Variants in FRMD4A observed in about 807,000 individuals in gnomAD.
FRMD4A encodes FERM domain-containing protein 4A.
A neutral mutation model predicts 129.1 loss-of-function variants in FRMD4A; 29 were observed. That is an observed-to-expected ratio of 0.22 (90% confidence interval 0.17 to 0.31). The LOEUF is 0.31. FRMD4A is among the 10% of genes least tolerant of loss of function. The pLI is 1.00. For missense variants in FRMD4A, 1,272 were observed against 1,375.8 expected (o/e 0.92, Z 1.19); for synonymous variants, 634 against 571.6 (o/e 1.11, Z -1.56).
At chr10:13,866,990 T>C (rs935256393) in intron 2 of FRMD4A, among the ~76,000 whole-genome samples, 1 of 152,140 alleles carries the variant, frequency 6.6e-6, no homozygotes, top group African/African-American at 2.4e-5. Flanking sequence ...ACAGATAGTG[T>C]AATGGTTACT....
At chr10:14,120,803 C>G (rs1001145245) in intron 2 of FRMD4A, among the ~76,000 whole-genome samples, 1 of 152,204 alleles carries the variant, frequency 6.6e-6, no homozygotes, top group Non-Finnish European at 1.5e-5. Flanking sequence ...CTGTCTGTTA[C>G]AGCAGCTACT....
chr10:14,023,618 C>T (rs532613011), intron 2 of FRMD4A, among the ~76,000 whole-genome samples: 2 of 152,266 alleles, frequency 1.3e-5, no homozygotes, highest in East Asian at 1.9e-4. Context: ...CAACACAGAA[C>T]GAACAGACCC....
intron 2 of FRMD4A, among the ~76,000 whole-genome samples, chr10:13,917,737 A>C (rs1173840463): frequency 6.6e-6 from 1 of 152,164 alleles, no homozygotes; most frequent in Non-Finnish European, 1.5e-5. Flanking sequence ...CTCATTCCCC[A>C]GTTGGCAGGG....
chr10:13,950,181 G>T (rs896354601), intron 2 of FRMD4A, among the ~76,000 whole-genome samples: 6 of 152,230 alleles, frequency 3.9e-5, no homozygotes, highest in African/African-American at 1.4e-4. Context: ...TGTCCCAGAT[G>T]AGTGGCTTTA....
At chr10:14,111,713 TG>T (rs1564302156) in intron 2 of FRMD4A, among the ~76,000 whole-genome samples, 1 of 152,060 alleles carries the variant, frequency 6.6e-6, no homozygotes, top group Non-Finnish European at 1.5e-5. Context: ...GCCATGATCC[TG>T]GCAGGGAGAA....
At chr10:14,020,014 T>C (rs981831795) in intron 2 of FRMD4A, among the ~76,000 whole-genome samples, 2 of 152,184 alleles carry the variant, frequency 1.3e-5, no homozygotes, top group African/African-American at 4.8e-5. Flanking sequence ...TTAAATCTTC[T>C]GAAACGAGAT....
At chr10:14,091,903 T>G (rs1564282665) in intron 2 of FRMD4A, among the ~76,000 whole-genome samples, 1 of 152,230 alleles carries the variant, frequency 6.6e-6, no homozygotes. Flanking sequence ...CTTAGGTTAC[T>G]CCTTTCAAGG....
chr10:13,771,659 G>A (rs1588641575), intron 6 of FRMD4A, among the ~76,000 whole-genome samples: 1 of 152,198 alleles, frequency 6.6e-6, no homozygotes, highest in East Asian at 1.9e-4. Context: ...TTCTCCTCCA[G>A]CCTAAAGAAG....
intron 2 of FRMD4A, among the ~76,000 whole-genome samples, chr10:14,012,309 C>T (rs2095685100): frequency 6.6e-6 from 1 of 152,088 alleles, no homozygotes; most frequent in Admixed American, 6.5e-5. Flanking sequence ...CTGGCAAAGC[C>T]TTTTGTTTGT....
At chr10:13,663,749 T>C (rs1218369395) in intron 18 of FRMD4A, among the ~76,000 whole-genome samples, 1 of 152,192 alleles carries the variant, frequency 6.6e-6, no homozygotes, top group Non-Finnish European at 1.5e-5. Context: ...TTTGTGTGTT[T>C]GTGCCCCGGT....
At chr10:13,683,873 C>T (rs2084842914) in intron 15 of FRMD4A, among the ~76,000 whole-genome samples, 1 of 151,940 alleles carries the variant, frequency 6.6e-6, no homozygotes, top group African/African-American at 2.4e-5. Flanking sequence ...CCATGCCTGA[C>T]TAATTTTTCT....
At chr10:14,170,060 C>T (rs1340587685) in intron 2 of FRMD4A, among the ~76,000 whole-genome samples, 1 of 152,042 alleles carries the variant, frequency 6.6e-6, no homozygotes, top group Non-Finnish European at 1.5e-5. Context: ...AAGCAGATGT[C>T]GAATAATTCT....
At chr10:14,161,817 A>G (rs1840901171) in intron 2 of FRMD4A, among the ~76,000 whole-genome samples, 1 of 152,222 alleles carries the variant, frequency 6.6e-6, no homozygotes, top group Admixed American at 6.5e-5. Flanking sequence ...AAATGTTCTC[A>G]ACACAAAGAA....
intron 2 of FRMD4A, among the ~76,000 whole-genome samples, chr10:13,961,370 G>A (rs1183678338): frequency 6.6e-6 from 1 of 152,212 alleles, no homozygotes; most frequent in Non-Finnish European, 1.5e-5. Context: ...GGGCGGTGAG[G>A]CTTCCAAAAT....
intron 2 of FRMD4A, among the ~76,000 whole-genome samples, chr10:13,970,185 T>C (rs541431110): frequency 3.3e-5 from 5 of 152,220 alleles, no homozygotes; most frequent in Non-Finnish European, 7.3e-5. Context: ...CTTTTATATA[T>C]GATCTATGAC....
chr10:14,108,001 G>A (rs1293824770), intron 2 of FRMD4A, among the ~76,000 whole-genome samples: 2 of 152,194 alleles, frequency 1.3e-5, no homozygotes, highest in African/African-American at 4.8e-5. Context: ...ATGCATATGT[G>A]ATTTTGCTAT....
intron 2 of FRMD4A, among the ~76,000 whole-genome samples, chr10:14,026,389 C>T (rs1290179399): frequency 1.3e-5 from 2 of 152,158 alleles, no homozygotes; most frequent in East Asian, 3.8e-4. Flanking sequence ...ATTTCAAAAG[C>T]AGATTTGGAG....
chr10:14,167,835 T>A (rs544191238), intron 2 of FRMD4A, among the ~76,000 whole-genome samples: 12 of 151,778 alleles, frequency 7.9e-5, no homozygotes, highest in Non-Finnish European at 1.8e-4. Flanking sequence ...GAGAGCGCGC[T>A]GTAAGATTTG....
At chr10:14,237,601 G>A (rs1223305448) in intron 2 of FRMD4A, among the ~76,000 whole-genome samples, 1 of 152,176 alleles carries the variant, frequency 6.6e-6, no homozygotes, top group Non-Finnish European at 1.5e-5. Flanking sequence ...AAAGTGCTCG[G>A]ATTACAGACG....
Sources: gnomAD v4.1 joint callset for allele counts (sites outside exome capture counted in the v4.1 genomes callset) on GRCh38, gnomAD v4.1.1 for gene constraint, MANE v1.5 for transcripts, NCBI Gene and HGNC (gene_info 2026-07-23, HGNC 2026-07-21) for gene names.